ROBO2: variants seen among roughly 807,000 people sequenced by gnomAD.
ROBO2 encodes the protein roundabout guidance receptor 2, also known as roundabout homolog 2.
ROBO2 carries 53 observed loss-of-function variants against 160.8 expected under a neutral mutation model. That is an observed-to-expected ratio of 0.33 (90% CI 0.26 to 0.41). The LOEUF is 0.41. ROBO2 is among the 10% of genes least tolerant of loss of function. The pLI is 1.00. For missense variants in ROBO2, 1,577 were observed against 1,722.4 expected (o/e 0.92, Z 1.49); for synonymous variants, 664 against 611.7 (o/e 1.09, Z -1.26).
At chr3:76,382,706 C>T (rs9861789) in intron 2 of ROBO2, among the ~76,000 whole-genome samples, 9,245 of 152,226 alleles carry the variant, frequency 0.061, 803 homozygotes, top group African/African-American at 0.19. Context: ...GGAATGTCTA[C>T]ATTGAATAGG....
intron 2 of ROBO2, among the ~76,000 whole-genome samples, chr3:76,265,435 A>C (rs956198400): frequency 2.0e-5 from 3 of 152,146 alleles, no homozygotes; most frequent in African/African-American, 7.2e-5. Context: ...GACATTTATT[A>C]ATTTAAACAA....
At chr3:77,330,770 T>C (rs2065894282) in intron 2 of ROBO2, among the ~76,000 whole-genome samples, 1 of 152,228 alleles carries the variant, frequency 6.6e-6, no homozygotes, top group Non-Finnish European at 1.5e-5. Flanking sequence ...GACCACATTA[T>C]ATGCACTTTG....
intron 2 of ROBO2, among the ~76,000 whole-genome samples, chr3:76,184,887 C>CT (rs891406454): frequency 4.0e-4 from 61 of 151,898 alleles, no homozygotes; most frequent in Non-Finnish European, 7.9e-4. Flanking sequence ...ACATATTTGC[C>CT]TTTTTTTCTG....
chr3:77,012,323 C>A (rs1334378085), intron 2 of ROBO2, among the ~76,000 whole-genome samples: 1 of 152,124 alleles, frequency 6.6e-6, no homozygotes. Context: ...GTCTTTGGAT[C>A]TTACCTCTTT....
chr3:76,008,512 T>C (rs879273344), intron 2 of ROBO2, among the ~76,000 whole-genome samples: 4 of 152,178 alleles, frequency 2.6e-5, no homozygotes, highest in Non-Finnish European at 5.9e-5. Context: ...TTATGAAGTA[T>C]CTTGCAAATT....
At chr3:76,215,040 C>G (rs1703412244) in intron 2 of ROBO2, among the ~76,000 whole-genome samples, 1 of 152,098 alleles carries the variant, frequency 6.6e-6, no homozygotes, top group African/African-American at 2.4e-5. Flanking sequence ...CTGCTGATAC[C>G]CAGGAAAACA....
At chr3:76,136,717 GA>G (rs955805107) in intron 2 of ROBO2, among the ~76,000 whole-genome samples, 36 of 151,168 alleles carry the variant, frequency 2.4e-4, no homozygotes, top group Admixed American at 7.3e-4. Context: ...GAGTGGTTGA[GA>G]AAAAAAAGAA....
At chr3:77,166,518 C>T (rs2079090066) in intron 2 of ROBO2, among the ~76,000 whole-genome samples, 1 of 151,942 alleles carries the variant, frequency 6.6e-6, no homozygotes, top group Non-Finnish European at 1.5e-5. Context: ...AAACTTTTTC[C>T]AGCCTTTTAA....
At chr3:77,136,552 G>A (rs1264454257) in intron 2 of ROBO2, among the ~76,000 whole-genome samples, 1 of 140,362 alleles carries the variant, frequency 7.1e-6, no homozygotes, top group African/African-American at 2.7e-5. Flanking sequence ...ATGAAGTAGT[G>A]CAGCCTCAAA....
intron 2 of ROBO2, among the ~76,000 whole-genome samples, chr3:76,456,095 C>T (rs2077737433): frequency 1.3e-5 from 2 of 152,196 alleles, no homozygotes; most frequent in African/African-American, 4.8e-5. Flanking sequence ...GTTATCAATG[C>T]CTTCTTTGAG....
chr3:76,151,755 GA>G (rs1258540054), intron 2 of ROBO2, among the ~76,000 whole-genome samples: 6 of 152,146 alleles, frequency 3.9e-5, no homozygotes, highest in African/African-American at 1.4e-4. Context: ...GAACTCAAGA[GA>G]GGGGACAAAA....
At chr3:76,571,845 A>C (rs545486692) in intron 2 of ROBO2, among the ~76,000 whole-genome samples, 74 of 152,300 alleles carry the variant, frequency 4.9e-4, no homozygotes, top group Middle Eastern at 3.4e-3. Context: ...TTTAAAATGT[A>C]CTGAAATGAA....
intron 2 of ROBO2, among the ~76,000 whole-genome samples, chr3:76,523,222 G>A (rs1362298210): frequency 6.6e-6 from 1 of 151,838 alleles, no homozygotes; most frequent in Non-Finnish European, 1.5e-5. Context: ...TGATATGCCT[G>A]TCTAAAGGAG....
Position 76,101,542 on chromosome 3 carries a change from G to GTTAT in ROBO2, c.109+163955_109+163958dup, listed in dbSNP as rs950081796. ...CCATGAGGACAGGTGAGATTATGTA[G>GTTAT]TTATTTATTTATTTATTTTTTATAC... On this transcript the variant is annotated intron_variant, in intron 2 of 26. Coordinates refer to the ROBO2 transcript ENST00000487694. 3.3e-5 allele frequency among the ~76,000 whole-genome samples: 5 copies of GTTAT among 152,064 alleles called. No homozygotes were observed. The South Asian group carries it at 1.0e-3, about 32-fold the overall frequency.
At chr3:76,780,157 C>T (rs2062539953) in intron 2 of ROBO2, among the ~76,000 whole-genome samples, 2 of 149,718 alleles carry the variant, frequency 1.3e-5, no homozygotes, top group East Asian at 3.9e-4. Flanking sequence ...ATGTTGAGCA[C>T]CTTTACATGT....
chr3:76,817,805 T>C (rs1576820641), intron 2 of ROBO2, among the ~76,000 whole-genome samples: 1 of 150,844 alleles, frequency 6.6e-6, no homozygotes, highest in Non-Finnish European at 1.5e-5. Context: ...TAATGGTTAA[T>C]GCAAATGCCA....
At chr3:77,546,524 TG>T in intron 7 of ROBO2, 62 bp downstream of exon 8, 1 of 1,594,794 alleles carries the variant, frequency 6.3e-7, no homozygotes, top group Non-Finnish European at 8.6e-7. Context: ...CTGCTGCTCC[TG>T]AAAGCTTGCC....
chr3:76,360,556 G>C (rs551666855), intron 2 of ROBO2, among the ~76,000 whole-genome samples: 17 of 152,172 alleles, frequency 1.1e-4, no homozygotes, highest in Admixed American at 9.2e-4. Flanking sequence ...GTAAGGGAAG[G>C]AGAGGCAAAT....
At chr3:76,406,760 T>C (rs1041446781) in intron 2 of ROBO2, among the ~76,000 whole-genome samples, 1 of 151,954 alleles carries the variant, frequency 6.6e-6, no homozygotes, top group African/African-American at 2.4e-5. Context: ...TGTGTGAAAA[T>C]AGAAAGCTGA....
Sources: gnomAD v4.1 joint callset for allele counts (sites outside exome capture counted in the v4.1 genomes callset) on GRCh38, gnomAD v4.1.1 for gene constraint, MANE v1.5 for transcripts, NCBI Gene and HGNC (gene_info 2026-07-23, HGNC 2026-07-21) for gene names.